The following PARPBP variants were observed in gnomAD, a reference collection of about 807,000 sequenced individuals.
The protein encoded by PARPBP is PARP1 binding protein.
Under a neutral mutation model 50.0 loss-of-function variants are expected in PARPBP, and 52 were observed. The observed-to-expected ratio is 1.04, with a 90% CI of 0.83 to 1.31. The LOEUF (loss-of-function observed/expected upper bound fraction) is 1.31, where lower values mean the gene tolerates loss of function less well. PARPBP is among the 50% of genes most tolerant of loss of function. PARPBP has a pLI of 0.00. For synonymous variants in PARPBP, 244 were observed against 232.1 expected (o/e 1.05, Z -0.47); for missense variants, 697 against 672.0 (o/e 1.04, Z -0.41).
chr12:102,165,999 A>G, intron 6 of PARPBP, 116 bp downstream of exon 6: 2 of 639,816 alleles, frequency 3.1e-6, no homozygotes, highest in Non-Finnish European at 2.7e-6. Context: ...CGGTGAGGCG[A>G]AGAAACAAAA....
chr12:102,123,426 A>G (rs1199758563), intron 1 of PARPBP, among the ~76,000 whole-genome samples: 1 of 152,070 alleles, frequency 6.6e-6, no homozygotes, highest in Non-Finnish European at 1.5e-5. Context: ...AGCCTGGTCC[A>G]GATTCAAAAG....
rs1213012192 is a variant in PARPBP, at chr12:102,183,675, CA to C, written c.1263+1055del. Among the ~76,000 whole-genome samples the C allele has an allele frequency of 4.6e-5, 7 of 152,004 alleles. No homozygotes were observed. In the East Asian group the frequency reaches 1.2e-3, roughly 25 times the overall value. On this transcript the variant is annotated intron_variant, in intron 9 of 10. Transcript: ENST00000327680. ...GGATAGAAACAGAAGTGTAACATAT[CA>C]AAAAAATTTTTTTCTTGCTATGGAT...
chr12:102,175,394 G>A, intron 6 of PARPBP, 89 bp from the exon 7 acceptor site: 1 of 814,862 alleles, frequency 1.2e-6, no homozygotes, highest in South Asian at 2.1e-5. Context: ...TCTTTGAAAA[G>A]TGTTAACTCT....
intron 9 of PARPBP, among the ~76,000 whole-genome samples, chr12:102,194,108 C>G (rs879872256): frequency 6.6e-6 from 1 of 151,912 alleles, no homozygotes; most frequent in Non-Finnish European, 1.5e-5. Context: ...GACGAATATT[C>G]TAACTTTTTC....
chr12:102,135,566 A>T lies in PARPBP; in HGVS notation c.153+11525A>T, dbSNP rs142550681. On this transcript the variant is annotated intron_variant, in intron 2 of 10. Transcript: ENST00000327680. ...AAAAAAAAAAAAAAAAAAAAATGAC[A>T]AGGCAAAGGAACTTGGGTGTTTAAT... 5.4e-3 allele frequency among the ~76,000 whole-genome samples: 813 copies of T among 151,396 alleles called. 10 individuals carry two copies. Among genetic ancestry groups the T allele is most frequent in the African/African-American group, 0.019 (769 of 41,128 alleles).
chr12:102,141,903 C>T (rs1884663965), intron 2 of PARPBP, among the ~76,000 whole-genome samples: 1 of 152,200 alleles, frequency 6.6e-6, no homozygotes, highest in South Asian at 2.1e-4. Context: ...ACCTTTCTCT[C>T]TGGCTGCCCT....
chr12:102,159,229 C>A (rs943844684), intron 4 of PARPBP, among the ~76,000 whole-genome samples: 34 of 152,156 alleles, frequency 2.2e-4, no homozygotes, highest in African/African-American at 8.0e-4. Flanking sequence ...CTCCTGGGTT[C>A]AAGCAATTCT....
chr12:102,152,825 T>A (rs1306219603), intron 3 of PARPBP, among the ~76,000 whole-genome samples: 1 of 145,648 alleles, frequency 6.9e-6, no homozygotes, highest in Non-Finnish European at 1.5e-5. Context: ...CAGACCAAAA[T>A]TAGTTTCTTG....
intron 6 of PARPBP, among the ~76,000 whole-genome samples, chr12:102,167,104 G>A (rs145031827): frequency 2.0e-4 from 30 of 152,148 alleles, no homozygotes; most frequent in Non-Finnish European, 3.2e-4. Flanking sequence ...GCTTTTGCTC[G>A]TTAGGCCTGT....
At chr12:102,131,519 A>G (rs535218034) in intron 2 of PARPBP, among the ~76,000 whole-genome samples, 15 of 152,296 alleles carry the variant, frequency 9.8e-5, no homozygotes, top group African/African-American at 2.6e-4. Flanking sequence ...AAATCATTCT[A>G]TCATAAAGAC....
In PARPBP at chr12:102,196,027, T is replaced by C. The variant is rs534675334; in HGVS notation, c.1476T>C (p.Asn492=). The part of the protein sequence containing the change: ...FGNVHLDRSK[N]EKVSRKSTSQ... ...ATGTTCATCTGGACAGAAGTAAAAA[T>C]GAAAAAGTATCAAGAAAATCAACCA... Residue 492 remains asparagine, a synonymous_variant, in exon 11 of 11, where the codon AAT becomes AAC. Transcript: ENST00000327680. 2 of 1,610,876 alleles carry C rather than the reference T, an allele frequency of 1.2e-6. No individual in the cohort carries two copies. Among genetic ancestry groups the C allele is most frequent in the Non-Finnish European group, 1.7e-6 (2 of 1,178,318 alleles).
chr12:102,190,712 C>G (rs557053686), intron 9 of PARPBP, among the ~76,000 whole-genome samples: 2 of 152,226 alleles, frequency 1.3e-5, no homozygotes, highest in East Asian at 3.9e-4. Context: ...AACAGGAGGA[C>G]CACAGCTGGC....
rs958929850 is a variant in PARPBP, at chr12:102,148,697, A to G, written c.387+234A>G. 4.2e-5 allele frequency: 14 copies of G among 331,384 alleles called. No individual in the cohort carries two copies. The South Asian group carries it at 1.8e-3, about 42-fold the overall frequency. The allele number at this position is 331,384 out of a possible 1,614,324, so 20.5% of individuals were successfully genotyped here. ...TTAGTTGCTATACGGATAGCTTCTTATTAGATCAAAAATCCCTAACAAAGA... is the reference window on the plus strand; with the variant it reads ...TTAGTTGCTATACGGATAGCTTCTTGTTAGATCAAAAATCCCTAACAAAGA... On this transcript the variant is annotated intron_variant, in intron 3 of 10. Transcript: ENST00000327680.
At chr12:102,149,353 T>C (rs1300419126) in intron 3 of PARPBP, among the ~76,000 whole-genome samples, 1 of 152,252 alleles carries the variant, frequency 6.6e-6, no homozygotes, top group East Asian at 1.9e-4. Context: ...CCAAGACTGA[T>C]ATGATAGCTC....
intron 6 of PARPBP, 55 bp downstream of exon 6, chr12:102,165,938 C>A: frequency 1.7e-6 from 2 of 1,170,624 alleles, no homozygotes; most frequent in Non-Finnish European, 2.5e-6. Context: ...TAAAACTTTA[C>A]AGAATTGGGT....
At chr12:102,159,786 A>G (rs1341063440) in intron 4 of PARPBP, among the ~76,000 whole-genome samples, 1 of 152,164 alleles carries the variant, frequency 6.6e-6, no homozygotes, top group African/African-American at 2.4e-5. Context: ...ACAAAAGTTA[A>G]AAAAAGACCC....
At chr12:102,140,881 C>G (rs989119408) in intron 2 of PARPBP, among the ~76,000 whole-genome samples, 1 of 152,154 alleles carries the variant, frequency 6.6e-6, no homozygotes, top group African/African-American at 2.4e-5. Context: ...TTTACATTTG[C>G]TAAGGAGTGC....
In PARPBP at chr12:102,178,634, A is replaced by G; in HGVS notation, c.1048A>G (p.Arg350Gly). Reference protein sequence around the residue: ...AINHGTAYCGRDTVKALLVLL... With the variant: ...AINHGTAYCGGDTVKALLVLL... ...AAACCATGGTACTGCATACTGTGGCAGAGATACTGTGAAAGCCTTATTAGT... is the reference window on the plus strand; with the variant it reads ...AAACCATGGTACTGCATACTGTGGCGGAGATACTGTGAAAGCCTTATTAGT... The change falls in exon 8 of 11, where the codon AGA becomes GGA. Residue 350 changes from arginine (R) to glycine (G), a missense_variant. Coordinates refer to ENST00000327680, the MANE Select transcript of PARPBP (RefSeq NM_017915.5). 1.2e-6 allele frequency: 2 copies of G among 1,613,408 alleles called. No homozygotes were observed. Among genetic ancestry groups the G allele is most frequent in the Non-Finnish European group, 1.7e-6 (2 of 1,179,640 alleles).
At position 102,152,916 on chromosome 12, in the gene PARPBP, G is replaced by A. The variant is rs1307694134; in HGVS notation, c.388-953G>A. ...CATGAAGTACTTAGTAATTTTCCAA[G>A]TAGAAGAACAGTAAAACAAAAAAAA... On this transcript the variant is annotated intron_variant, in intron 3 of 10. Transcript: ENST00000327680. Among the ~76,000 whole-genome samples the A allele has an allele frequency of 3.6e-5, 5 of 137,766 alleles. No homozygotes were observed. In the East Asian group the frequency reaches 1.1e-3, roughly 29 times the overall value. 90.4% of individuals were successfully genotyped at this position (137,766 alleles called of 152,430 possible).
Sources: gnomAD v4.1 joint callset for allele counts (sites outside exome capture counted in the v4.1 genomes callset) on GRCh38, gnomAD v4.1.1 for gene constraint, MANE v1.5 for transcripts, NCBI Gene and HGNC (gene_info 2026-07-23, HGNC 2026-07-21) for gene names.